The following GATAD2A variants were observed in gnomAD, a reference collection of about 807,000 sequenced individuals.
The protein encoded by GATAD2A is transcriptional repressor p66-alpha.
GATAD2A carries 12 observed loss-of-function variants against 68.5 expected under a neutral mutation model. The observed-to-expected ratio is 0.18, with a 90% CI of 0.11 to 0.28. The LOEUF (loss-of-function observed/expected upper bound fraction) is 0.28, where lower values mean the gene tolerates loss of function less well. GATAD2A is among the 10% of genes least tolerant of loss of function. GATAD2A has a pLI of 1.00. For missense variants in GATAD2A, 755 were observed against 868.5 expected (o/e 0.87, Z 1.64); for synonymous variants, 410 against 375.3 (o/e 1.09, Z -1.07).
chr19:19,453,942 A>G (rs1600168117), intron 1 of GATAD2A, among the ~76,000 whole-genome samples: 1 of 148,262 alleles, frequency 6.7e-6, no homozygotes, highest in African/African-American at 2.5e-5. Flanking sequence ...GATTACAGGC[A>G]TGAGCCACCA....
At chr19:19,447,621 G>GACCC (rs1355292227) in intron 1 of GATAD2A, among the ~76,000 whole-genome samples, 2 of 152,338 alleles carry the variant, frequency 1.3e-5, no homozygotes, top group African/African-American at 4.8e-5. Flanking sequence ...TTTGTGGGTA[G>GACCC]ACCCACGGGC....
chr19:19,390,304 T>C (rs1034674442), intron 1 of GATAD2A, among the ~76,000 whole-genome samples: 3 of 151,936 alleles, frequency 2.0e-5, no homozygotes, highest in Non-Finnish European at 4.4e-5. Context: ...GATGAATGAA[T>C]GAATCCGAGA....
At chr19:19,457,570 C>T (rs1366838138) in intron 1 of GATAD2A, among the ~76,000 whole-genome samples, 1 of 151,996 alleles carries the variant, frequency 6.6e-6, no homozygotes, top group East Asian at 1.9e-4. Context: ...GAAACCCTGT[C>T]TCTACTAAAA....
intron 1 of GATAD2A, among the ~76,000 whole-genome samples, chr19:19,423,709 T>A (rs1284550438): frequency 1.3e-5 from 2 of 152,218 alleles, no homozygotes; most frequent in African/African-American, 4.8e-5. Flanking sequence ...CTAGAATTCT[T>A]TGTTGTAGAG....
intron 2 of GATAD2A, among the ~76,000 whole-genome samples, chr19:19,478,694 C>T (rs1345315263): frequency 3.3e-5 from 5 of 151,882 alleles, no homozygotes; most frequent in African/African-American, 1.2e-4. Flanking sequence ...CTTGTAGTCC[C>T]AGCTATTCGG....
At chr19:19,412,170 T>G (rs1003742168) in intron 1 of GATAD2A, among the ~76,000 whole-genome samples, 12 of 151,648 alleles carry the variant, frequency 7.9e-5, no homozygotes, top group African/African-American at 2.9e-4. Context: ...TTAATTTTTT[T>G]GTTGAGACGG....
chr19:19,444,414 C>G (rs1452889482), intron 1 of GATAD2A, among the ~76,000 whole-genome samples: 1 of 152,186 alleles, frequency 6.6e-6, no homozygotes, highest in Non-Finnish European at 1.5e-5. Flanking sequence ...CCCCCCACTC[C>G]AGTGTTCTCC....
At chr19:19,485,500 A>G (rs1337039570) in intron 2 of GATAD2A, among the ~76,000 whole-genome samples, 1 of 152,038 alleles carries the variant, frequency 6.6e-6, no homozygotes, top group Non-Finnish European at 1.5e-5. Context: ...CTCCCCCACT[A>G]TAGCGGGGGC....
chr19:19,411,991 C>T (rs767742047), intron 1 of GATAD2A, among the ~76,000 whole-genome samples: 5 of 152,042 alleles, frequency 3.3e-5, no homozygotes, highest in Non-Finnish European at 7.4e-5. Flanking sequence ...GTAATCCTAG[C>T]ACTTTGGGAG....
intron 1 of GATAD2A, among the ~76,000 whole-genome samples, chr19:19,419,904 G>A (rs914276839): frequency 2.6e-5 from 4 of 151,872 alleles, no homozygotes; most frequent in Non-Finnish European, 4.4e-5. Context: ...GTTCTCAATG[G>A]TACAGCGGTT....
intron 1 of GATAD2A, among the ~76,000 whole-genome samples, chr19:19,445,971 C>T (rs891931205): frequency 2.0e-5 from 3 of 152,194 alleles, no homozygotes; most frequent in Non-Finnish European, 2.9e-5. Context: ...ATGGTGATGC[C>T]GTGGGCTGGA....
intron 1 of GATAD2A, among the ~76,000 whole-genome samples, chr19:19,420,235 C>A (rs531455290): frequency 7.3e-6 from 1 of 136,520 alleles, no homozygotes; most frequent in African/African-American, 2.8e-5. Flanking sequence ...GTTGGCCAGG[C>A]TGGTCTCGAA....
At position 19,492,716 on chromosome 19, in the gene GATAD2A, C is replaced by CGT; in HGVS notation, c.534+6_534+7dup. On this transcript the variant is annotated splice_donor_region_variant and intron_variant, in intron 4 of 11. Coordinates refer to ENST00000683918, the MANE Select transcript of GATAD2A (RefSeq NM_001384528.1). Reference sequence around the variant, plus strand: ...AAAGGAAGCCACCGCCCAGAAGGTGCGTGCCTGTCTCCCCTCCTTCCTGGG... The same window carrying CGT: ...AAAGGAAGCCACCGCCCAGAAGGTGCGTGTGCCTGTCTCCCCTCCTTCCTGGG... 1 of 1,613,956 alleles carries CGT rather than the reference C, an allele frequency of 6.2e-7. No homozygotes were observed. Among genetic ancestry groups the CGT allele is most frequent in the Non-Finnish European group, 8.5e-7 (1 of 1,179,936 alleles).
chr19:19,429,342 C>A lies in GATAD2A; in HGVS notation c.-7+23323C>A, dbSNP rs548082266. The A allele has an allele frequency of 2.0e-4, 103 of 525,596 alleles. No homozygotes were observed. In the African/African-American group the frequency reaches 2.1e-3, roughly 11 times the overall value. The allele number at this position is 525,596 out of a possible 1,614,324, so 32.6% of individuals were successfully genotyped here. On this transcript the variant is annotated intron_variant, in intron 1 of 11. Coordinates refer to ENST00000683918, the MANE Select transcript of GATAD2A (RefSeq NM_001384528.1). Reference sequence around the variant, plus strand: ...GGCTCTCCTGGCCATGGGAACGGTGCGTGCAAAGGTCTGGCACGGGGAGTA... The same window carrying A: ...GGCTCTCCTGGCCATGGGAACGGTGAGTGCAAAGGTCTGGCACGGGGAGTA...
rs2060876085 is a variant in GATAD2A, at chr19:19,506,556, GGTCTAGTTTAGAACCT to G, written c.*1086_*1101del. ...GCACAGATGTCAGGATTTCCGTTTGGGTCTAGTTTAGAACCTGTCCTTAAACCTAGGGGTTGCTGTC... is the reference window on the plus strand; with the variant it reads ...GCACAGATGTCAGGATTTCCGTTTGGGTCCTTAAACCTAGGGGTTGCTGTC... On this transcript the variant is annotated 3_prime_UTR_variant, in exon 12 of 12. Transcript: ENST00000683918. The G allele has an allele frequency of 6.0e-6, 1 of 166,290 alleles. No homozygotes were observed. Among genetic ancestry groups the G allele is most frequent in the Non-Finnish European group, 1.3e-5 (1 of 78,052 alleles). The allele number at this position is 166,290 out of a possible 1,614,324, so 10.3% of individuals were successfully genotyped here.
chr19:19,506,171 C>A lies in GATAD2A; in HGVS notation c.*697C>A, dbSNP rs955483036. 2.5e-6 allele frequency: 1 copy of A among 398,710 alleles called. No homozygotes were observed. Among genetic ancestry groups the A allele is most frequent in the Non-Finnish European group, 4.4e-6 (1 of 225,920 alleles). The allele number at this position is 398,710 out of a possible 1,614,324, so 24.7% of individuals were successfully genotyped here. ...ACAGATGCAGGGATGGCCGAGGCAG[C>A]CCTCGCTCCAGCTGAACGCCTCCAT... is the stretch of plus-strand genomic sequence containing the variant. On this transcript the variant is annotated 3_prime_UTR_variant, in exon 12 of 12. Coordinates refer to ENST00000683918, the MANE Select transcript of GATAD2A (RefSeq NM_001384528.1).
At chr19:19,442,380 C>T (rs1318279158) in intron 1 of GATAD2A, among the ~76,000 whole-genome samples, 3 of 151,956 alleles carry the variant, frequency 2.0e-5, no homozygotes, top group Non-Finnish European at 4.4e-5. Flanking sequence ...AATCCCAGCA[C>T]TTCGGGAGGC....
intron 2 of GATAD2A, among the ~76,000 whole-genome samples, chr19:19,467,308 G>A (rs1600208688): frequency 6.6e-6 from 1 of 152,232 alleles, no homozygotes; most frequent in Admixed American, 6.5e-5. Flanking sequence ...CCTGGGAGGC[G>A]GAGCTTGCAA....
chr19:19,454,562 G>C (rs1041595251), intron 1 of GATAD2A, among the ~76,000 whole-genome samples: 1 of 151,202 alleles, frequency 6.6e-6, no homozygotes, highest in Non-Finnish European at 1.5e-5. Flanking sequence ...TGGAGACATT[G>C]CCCCCAGCCT....
Sources: allele counts gnomAD v4.1 joint callset (sites outside exome capture counted in the v4.1 genomes callset), GRCh38; gene constraint gnomAD v4.1.1; transcripts MANE v1.5; gene names NCBI Gene and HGNC (gene_info 2026-07-23, HGNC 2026-07-21).